The following NDUFAF6 variants were observed in gnomAD, a reference collection of about 807,000 sequenced individuals.
The protein encoded by NDUFAF6 is NADH:ubiquinone oxidoreductase complex assembly factor 6, also known as NADH dehydrogenase (ubiquinone) complex I, assembly factor 6.
Under a neutral mutation model 40.8 loss-of-function variants are expected in NDUFAF6, and 45 were observed. The ratio of observed to expected loss-of-function variants is 1.10; its 90% CI spans 0.87 to 1.42. The LOEUF (loss-of-function observed/expected upper bound fraction) is 1.42, where lower values mean the gene tolerates loss of function less well. Among genes scored for constraint, NDUFAF6 ranks in the 40% most tolerant of loss-of-function variants. NDUFAF6 has a pLI of 0.00. For missense variants in NDUFAF6, 435 were observed against 418.5 expected, an observed-to-expected ratio of 1.04 and a Z score of -0.34; for synonymous variants, 185 against 155.9, an observed-to-expected ratio of 1.19 and a Z score of -1.39.
chr8:94,935,128 T>TTAGATAGATAGATAG (rs149916195), intron 1 of NDUFAF6, among the ~76,000 whole-genome samples: 33 of 144,640 alleles, frequency 2.3e-4, no homozygotes, highest in African/African-American at 8.1e-4. Context: ...GGTAGATAGA[T>TTAGATAGATAGATAG]ATAGATAGAT....
At chr8:94,962,623 T>TTG (rs771966052) in intron 1 of NDUFAF6, among the ~76,000 whole-genome samples, 3,368 of 151,504 alleles carry the variant, frequency 0.022, 59 homozygotes, top group African/African-American at 0.041. Context: ...TTTGTTTTTT[T>TTG]TTTTTTTGAG....
chr8:94,960,567 G>A (rs1184366385), intron 1 of NDUFAF6, among the ~76,000 whole-genome samples: 1 of 152,182 alleles, frequency 6.6e-6, no homozygotes, highest in Non-Finnish European at 1.5e-5. Context: ...CACAGACAAT[G>A]ACATCTCAGT....
At chr8:94,980,046 G>T (rs558029160) in intron 1 of NDUFAF6, among the ~76,000 whole-genome samples, 11 of 151,468 alleles carry the variant, frequency 7.3e-5, no homozygotes, top group Non-Finnish European at 1.5e-4. Context: ...ACAGTGAGCC[G>T]AGATCATGCC....
downstream of NDUFAF6, among the ~76,000 whole-genome samples, chr8:95,080,494 G>GTAGTGTATTTTT (rs1808802820): frequency 7.1e-6 from 1 of 140,124 alleles, no homozygotes; most frequent in African/African-American, 2.7e-5. Context: ...AGTGATTTTT[G>GTAGTGTATTTTT]GTAGTGATTT....
chr8:95,033,521 C>T (rs962751279), intron 2 of NDUFAF6, among the ~76,000 whole-genome samples: 1 of 152,120 alleles, frequency 6.6e-6, no homozygotes, highest in African/African-American at 2.4e-5. Flanking sequence ...CAATGCTATA[C>T]CCACGTGACA....
intron 9 of NDUFAF6, chr8:95,073,279 G>A (rs906657179): frequency 6.6e-6 from 1 of 152,258 alleles, no homozygotes; most frequent in Non-Finnish European, 1.5e-5. Context: ...TGCGCTTCCT[G>A]AGGCCAAAGC....
intron 1 of NDUFAF6, among the ~76,000 whole-genome samples, chr8:94,936,545 G>A (rs920214664): frequency 1.3e-5 from 2 of 152,146 alleles, no homozygotes; most frequent in African/African-American, 2.4e-5. Flanking sequence ...TGAACTGCAC[G>A]CTGTTTTCCT....
intron 1 of NDUFAF6, chr8:94,929,078 CTAAGT>C (rs1421952036): frequency 1.3e-5 from 2 of 152,590 alleles, no homozygotes; most frequent in African/African-American, 4.8e-5. Context: ...TAGATTTTCT[CTAAGT>C]TAACTGGCCT....
intron 9 of NDUFAF6, among the ~76,000 whole-genome samples, chr8:95,075,477 C>T (rs1181792741): frequency 1.3e-5 from 2 of 152,276 alleles, no homozygotes; most frequent in East Asian, 1.9e-4. Flanking sequence ...CCCAAACAGA[C>T]ATTTATTATT....
At chr8:94,985,560 G>C (rs545136053) in intron 2 of NDUFAF6, among the ~76,000 whole-genome samples, 1 of 88,764 alleles carries the variant, frequency 1.1e-5, no homozygotes, top group Non-Finnish European at 2.0e-5. Context: ...TTCTGAGACA[G>C]AATCTCACTC....
chr8:94,916,999 AGCTACTCAGGAGGCTAAAGCAGAGAATCC>A (rs967488269), intron 1 of NDUFAF6, among the ~76,000 whole-genome samples: 2 of 150,760 alleles, frequency 1.3e-5, no homozygotes, highest in African/African-American at 4.9e-5. Flanking sequence ...CTGTAGTCCC[AGCTACTCAGGAGGCTAAAGCAGAGAATCC>A]TCTACCCAGG....
At chr8:95,030,793 A>G (rs1181043276) in intron 1 of NDUFAF6, among the ~76,000 whole-genome samples, 1 of 152,194 alleles carries the variant, frequency 6.6e-6, no homozygotes, top group Non-Finnish European at 1.5e-5. Flanking sequence ...TAAAGAAAAG[A>G]GGTTTCTTTG....
At chr8:95,066,837 C>A (rs563057008) in intron 9 of NDUFAF6, 1 of 152,300 alleles carries the variant, frequency 6.6e-6, no homozygotes. Context: ...TGTTTTTATT[C>A]TCTTGGTTTT....
At chr8:95,117,029 C>G (rs1810149922), downstream of NDUFAF6, among the ~76,000 whole-genome samples, 1 of 152,202 alleles carries the variant, frequency 6.6e-6, no homozygotes, top group African/African-American at 2.4e-5. Flanking sequence ...GAGAACCTCT[C>G]TGCCCTCAGA....
chr8:95,084,054 T>C (rs1808963408), intron 2 of NDUFAF6, among the ~76,000 whole-genome samples: 1 of 152,202 alleles, frequency 6.6e-6, no homozygotes, highest in South Asian at 2.1e-4. Context: ...TTACTGGGAA[T>C]TGTGTAAGTT....
intron 9 of NDUFAF6, chr8:95,069,118 G>A (rs1832769747): frequency 6.6e-6 from 1 of 151,684 alleles, no homozygotes; most frequent in South Asian, 2.1e-4. Flanking sequence ...GTTCATCTAA[G>A]CTCACTTAGA....
intron 1 of NDUFAF6, among the ~76,000 whole-genome samples, chr8:94,978,156 T>C (rs1027127424): frequency 2.0e-5 from 3 of 152,142 alleles, no homozygotes; most frequent in Non-Finnish European, 4.4e-5. Context: ...GACCAAGCCA[T>C]GATTAGAAGC....
At chr8:94,906,901 C>T (rs557983901) in intron 1 of NDUFAF6, among the ~76,000 whole-genome samples, 15 of 152,344 alleles carry the variant, frequency 9.8e-5, no homozygotes, top group Middle Eastern at 3.4e-3. Flanking sequence ...GTCTGTGTCT[C>T]CCACTAGAAG....
chr8:94,998,145 A>G (rs182673147), intron 2 of NDUFAF6, among the ~76,000 whole-genome samples: 4 of 152,314 alleles, frequency 2.6e-5, no homozygotes, highest in Non-Finnish European at 4.4e-5. Flanking sequence ...TTGCCTTTCT[A>G]TATTAAGGAA....
Sources: gnomAD v4.1 joint callset for allele counts (sites outside exome capture counted in the v4.1 genomes callset) on GRCh38, gnomAD v4.1.1 for gene constraint, MANE v1.5 for transcripts, NCBI Gene and HGNC (gene_info 2026-07-23, HGNC 2026-07-21) for gene names.